EDIL3: variants seen among roughly 807,000 people sequenced by gnomAD.
EDIL3 encodes the protein EGF-like repeat and discoidin I-like domain-containing protein 3.
Under a neutral mutation model 67.4 loss-of-function variants are expected in EDIL3, and 37 were observed. The observed-to-expected ratio is 0.55, with a 90% CI of 0.42 to 0.72. The LOEUF is 0.72. EDIL3 is among the 30% of genes least tolerant of loss of function. EDIL3 has a pLI of 0.00. For synonymous variants in EDIL3, 195 were observed against 196.3 expected, an observed-to-expected ratio of 0.99 and a Z score of 0.05; for missense variants, 527 against 586.3, an observed-to-expected ratio of 0.90 and a Z score of 1.04.
chr5:84,019,715 AC>A (rs1745676516), intron 9 of EDIL3, among the ~76,000 whole-genome samples: 1 of 152,092 alleles, frequency 6.6e-6, no homozygotes, highest in South Asian at 2.1e-4. Context: ...AGGTTATTTA[AC>A]ATATTGTCCT....
chr5:84,334,802 T>C (rs1167992597), intron 1 of EDIL3, among the ~76,000 whole-genome samples: 1 of 152,134 alleles, frequency 6.6e-6, no homozygotes, highest in African/African-American at 2.4e-5. Flanking sequence ...TTTCAGTAAA[T>C]ACTATTTTTT....
intron 1 of EDIL3, among the ~76,000 whole-genome samples, chr5:84,334,390 A>G (rs919178820): frequency 4.6e-5 from 7 of 152,236 alleles, no homozygotes; most frequent in Admixed American, 3.3e-4. Context: ...TTTATTCTTC[A>G]AATACTGCAA....
chr5:84,117,567 ACTT>A (rs137900271), intron 5 of EDIL3, among the ~76,000 whole-genome samples: 36,549 of 151,640 alleles, frequency 0.24, 4,609 homozygotes, highest in East Asian at 0.33. Flanking sequence ...AAACAAATAT[ACTT>A]CTTATAAACA....
chr5:84,379,196 G>A (rs1214548974), intron 1 of EDIL3, among the ~76,000 whole-genome samples: 2 of 152,150 alleles, frequency 1.3e-5, no homozygotes, highest in Non-Finnish European at 2.9e-5. Flanking sequence ...ACATAGTTTT[G>A]AGGGCTACAT....
chr5:84,123,798 G>A (rs1747818136), intron 5 of EDIL3, among the ~76,000 whole-genome samples: 1 of 151,832 alleles, frequency 6.6e-6, no homozygotes, highest in African/African-American at 2.4e-5. Flanking sequence ...AAAACTGTAT[G>A]TACTGTCATA....
chr5:84,088,556 A>G (rs1016970965), intron 6 of EDIL3, among the ~76,000 whole-genome samples: 1 of 152,240 alleles, frequency 6.6e-6, no homozygotes, highest in Non-Finnish European at 1.5e-5. Context: ...AACACTAATG[A>G]TAGTAATAAA....
chr5:84,164,695 T>C (rs1049455588), intron 4 of EDIL3, among the ~76,000 whole-genome samples: 5 of 152,136 alleles, frequency 3.3e-5, no homozygotes, highest in Non-Finnish European at 5.9e-5. Context: ...CAATATATTT[T>C]GAGTACCTAC....
At chr5:84,312,120 T>C (rs961467968) in intron 1 of EDIL3, among the ~76,000 whole-genome samples, 2 of 151,842 alleles carry the variant, frequency 1.3e-5, no homozygotes, top group African/African-American at 4.8e-5. Flanking sequence ...GGCTCCTCAC[T>C]TCCCAGTAGG....
intron 1 of EDIL3, among the ~76,000 whole-genome samples, chr5:84,339,346 A>C (rs1466086152): frequency 1.3e-5 from 2 of 152,148 alleles, no homozygotes; most frequent in African/African-American, 2.4e-5. Context: ...AAATATAAAT[A>C]ATGACAGCAT....
intron 9 of EDIL3, among the ~76,000 whole-genome samples, chr5:83,993,991 A>G (rs560709120): frequency 6.6e-6 from 1 of 152,128 alleles, no homozygotes; most frequent in Non-Finnish European, 1.5e-5. Context: ...TTTTTTGGCC[A>G]CTGTGGTCCC....
At chr5:84,034,378 A>G (rs1346730023) in intron 9 of EDIL3, among the ~76,000 whole-genome samples, 1 of 151,774 alleles carries the variant, frequency 6.6e-6, no homozygotes, top group Non-Finnish European at 1.5e-5. Context: ...ATTTTTTTTT[A>G]TTTTGTCCAC....
At position 84,050,103 on chromosome 5, in the gene EDIL3, C is replaced by A. The variant is rs186033561; in HGVS notation, c.1137+10197G>T. 7.2e-3 allele frequency among the ~76,000 whole-genome samples: 1,042 copies of A among 145,344 alleles called. 12 individuals carry two copies. The highest frequency in any genetic ancestry group is 0.025 in the African/African-American group (991 of 39,412). Reference sequence around the variant, plus strand: ...GTCCCAGCTACATGGGAGGCTGAGGCAGGAGAATGGTGTGAACCCGGGAGG... The same window carrying A: ...GTCCCAGCTACATGGGAGGCTGAGGAAGGAGAATGGTGTGAACCCGGGAGG... On this transcript the variant is annotated intron_variant, in intron 9 of 10. Coordinates refer to ENST00000296591, the MANE Select transcript of EDIL3 (RefSeq NM_005711.5).
At chr5:84,201,575 T>TG (rs201823713) in intron 3 of EDIL3, among the ~76,000 whole-genome samples, 1,584 of 152,186 alleles carry the variant, frequency 0.01, 33 homozygotes, top group African/African-American at 0.036. Flanking sequence ...CTGCTTTGTC[T>TG]TACCCAGTAT....
At chr5:84,134,882 G>A (rs1434047003) in intron 5 of EDIL3, among the ~76,000 whole-genome samples, 1 of 152,110 alleles carries the variant, frequency 6.6e-6, no homozygotes, top group Non-Finnish European at 1.5e-5. Flanking sequence ...ACTATCACAT[G>A]CATCTTCAAA....
At chr5:84,104,465 T>C (rs1273668941) in intron 6 of EDIL3, among the ~76,000 whole-genome samples, 2 of 151,930 alleles carry the variant, frequency 1.3e-5, no homozygotes, top group Non-Finnish European at 1.5e-5. Flanking sequence ...AACACAATTA[T>C]AAAATGAATA....
intron 3 of EDIL3, among the ~76,000 whole-genome samples, chr5:84,189,713 A>G: frequency 6.6e-6 from 1 of 152,046 alleles, no homozygotes; most frequent in East Asian, 1.9e-4. Flanking sequence ...TATTACTCAA[A>G]GAGAACTCTA....
chr5:84,353,255 A>G (rs1402045760), intron 1 of EDIL3, among the ~76,000 whole-genome samples: 1 of 152,202 alleles, frequency 6.6e-6, no homozygotes, highest in African/African-American at 2.4e-5. Flanking sequence ...AGGAAGTTCC[A>G]TGTGAACCAC....
intron 1 of EDIL3, among the ~76,000 whole-genome samples, chr5:84,367,381 T>C (rs1747760391): frequency 6.6e-6 from 1 of 152,066 alleles, no homozygotes. Context: ...TTAACAAACA[T>C]AGTAAGTGCA....
rs529818356 is a variant in EDIL3, at chr5:84,062,050, A to G, written c.953-1566T>C. Reference sequence around the variant, plus strand: ...ATCTAGGAAATGCATATCCTATGAAAACATGGAAAACATGACATGGAGGGC... The same window carrying G: ...ATCTAGGAAATGCATATCCTATGAAGACATGGAAAACATGACATGGAGGGC... On this transcript the variant is annotated intron_variant, in intron 8 of 10. Coordinates refer to ENST00000296591, the MANE Select transcript of EDIL3 (RefSeq NM_005711.5). 3.4e-4 allele frequency among the ~76,000 whole-genome samples: 51 copies of G among 152,212 alleles called. 1 individual carries two copies. Among genetic ancestry groups the G allele is most frequent in the Middle Eastern group, 6.8e-3 (2 of 294 alleles).
Sources: gnomAD v4.1 joint callset for allele counts (sites outside exome capture counted in the v4.1 genomes callset) on GRCh38, gnomAD v4.1.1 for gene constraint, MANE v1.5 for transcripts, NCBI Gene and HGNC (gene_info 2026-07-23, HGNC 2026-07-21) for gene names.